The following FBXO32 variants were observed in gnomAD, a reference collection of about 807,000 sequenced individuals.
The protein encoded by FBXO32 is F-box protein 32.
In FBXO32, 15 loss-of-function variants were observed where a neutral mutation model predicts 48.3. The observed-to-expected ratio is 0.31, with a 90% CI of 0.21 to 0.48. FBXO32 has a LOEUF of 0.48. Among genes scored for constraint, FBXO32 ranks in the 20% least tolerant of loss-of-function variants. The pLI is 0.99. For missense variants in FBXO32, 309 were observed against 432.7 expected (o/e 0.71, Z 2.54); for synonymous variants, 154 against 165.9 (o/e 0.93, Z 0.55).
intron 4 of FBXO32, among the ~76,000 whole-genome samples, chr8:123,519,070 G>A (rs374301281): frequency 2.3e-4 from 35 of 152,226 alleles, no homozygotes; most frequent in East Asian, 9.6e-4. Context: ...AGCGATCCTC[G>A]TGTTTCAGCC....
rs189731484 is a variant in FBXO32 at position 123,535,853 on chromosome 8, A to T, written c.117-1039T>A. Among the ~76,000 whole-genome samples, 239 of 147,766 alleles carry T rather than the reference A, an allele frequency of 1.6e-3. 1 individual carries two copies. Among genetic ancestry groups the T allele is most frequent in the Admixed American group, 0.013 (190 of 14,748 alleles). ...TTTTTTTTTTTTTGCTATACCACCG[A>T]TATTTTATACTCCTTTAATGTTCTG... On this transcript the variant is annotated intron_variant, in intron 1 of 8. Transcript: ENST00000517956.
chr8:123,517,665 T>C (rs544752985), intron 4 of FBXO32, among the ~76,000 whole-genome samples: 2 of 152,192 alleles, frequency 1.3e-5, no homozygotes, highest in African/African-American at 2.4e-5. Context: ...AGACACATGA[T>C]CCCTACACTC....
intron 4 of FBXO32, among the ~76,000 whole-genome samples, chr8:123,529,665 G>A (rs747684096): frequency 6.6e-6 from 1 of 151,974 alleles, no homozygotes; most frequent in Non-Finnish European, 1.5e-5. Context: ...TTCAAGTCTT[G>A]ATTTCATCCC....
chr8:123,526,468 C>T (rs1357627274), intron 4 of FBXO32, among the ~76,000 whole-genome samples: 1 of 152,102 alleles, frequency 6.6e-6, no homozygotes, highest in Non-Finnish European at 1.5e-5. Flanking sequence ...CTCAAGTGAG[C>T]TGCCTGCCTC....
chr8:123,531,850 T>G, intron 4 of FBXO32, 48 bp downstream of exon 4: 1 of 1,600,714 alleles, frequency 6.2e-7, no homozygotes, highest in Non-Finnish European at 8.5e-7. Context: ...AAGAGATGAT[T>G]CAACTTGGGA....
chr8:123,509,545 C>T (rs1816696377), intron 6 of FBXO32, among the ~76,000 whole-genome samples: 1 of 151,834 alleles, frequency 6.6e-6, no homozygotes, highest in Non-Finnish European at 1.5e-5. Context: ...ACTAAAAATA[C>T]AAAAATTAGC....
chr8:123,515,950 C>T (rs1816830907), intron 4 of FBXO32, among the ~76,000 whole-genome samples: 1 of 152,138 alleles, frequency 6.6e-6, no homozygotes, highest in Admixed American at 6.5e-5. Context: ...CGAGATCGTG[C>T]CATTGAACTC....
intron 4 of FBXO32, among the ~76,000 whole-genome samples, chr8:123,522,941 C>T (rs1333575701): frequency 1.3e-5 from 2 of 152,246 alleles, no homozygotes; most frequent in East Asian, 3.9e-4. Flanking sequence ...AGGTCTGACA[C>T]GATTCTCAAG....
chr8:123,527,528 A>G (rs1488021665), intron 4 of FBXO32, among the ~76,000 whole-genome samples: 1 of 152,166 alleles, frequency 6.6e-6, no homozygotes, highest in African/African-American at 2.4e-5. Flanking sequence ...ACTGGGGAGA[A>G]TATAAAGATT....
At chr8:123,533,935 A>C (rs1469194650) in intron 2 of FBXO32, among the ~76,000 whole-genome samples, 1 of 151,970 alleles carries the variant, frequency 6.6e-6, no homozygotes, top group Non-Finnish European at 1.5e-5. Context: ...TCTACTAAAA[A>C]CACAAAAATT....
chr8:123,532,785 C>A (rs2130556048), intron 3 of FBXO32, among the ~76,000 whole-genome samples: 1 of 152,332 alleles, frequency 6.6e-6, no homozygotes, highest in East Asian at 1.9e-4. Flanking sequence ...TCACACTGAG[C>A]AGGCACTGAA....
chr8:123,530,497 A>G (rs1203129036), intron 4 of FBXO32, among the ~76,000 whole-genome samples: 1 of 152,222 alleles, frequency 6.6e-6, no homozygotes, highest in East Asian at 1.9e-4. Flanking sequence ...ACAAAAATAC[A>G]CAAGGGAGCT....
intron 4 of FBXO32, among the ~76,000 whole-genome samples, chr8:123,516,348 C>T (rs1489811484): frequency 1.3e-5 from 2 of 152,098 alleles, no homozygotes; most frequent in African/African-American, 4.8e-5. Context: ...CACAGAGAAC[C>T]GAGACCCCTC....
chr8:123,523,599 AAACAAC>A (rs143361308), intron 4 of FBXO32, among the ~76,000 whole-genome samples: 55 of 146,640 alleles, frequency 3.8e-4, no homozygotes, highest in South Asian at 6.4e-4. Context: ...AAAACAAAAC[AAACAAC>A]AACAACAACA....
intron 6 of FBXO32, among the ~76,000 whole-genome samples, chr8:123,510,996 T>A (rs545349816): frequency 6.6e-6 from 1 of 152,352 alleles, no homozygotes; most frequent in Admixed American, 6.5e-5. Context: ...GTGCAGAGAA[T>A]GGCTTGGCTC....
At position 123,507,440 on chromosome 8, in the gene FBXO32, T is replaced by G. The variant is rs10112369; in HGVS notation, c.652-866A>C. ...ATAACACAGAGACTCTGTGCTAGGG[T>G]GTGTGTGTGTGTGTGTGTGTGTGTG... On this transcript the variant is annotated intron_variant, in intron 6 of 8. Coordinates refer to ENST00000517956, the MANE Select transcript of FBXO32 (RefSeq NM_058229.4). Among the ~76,000 whole-genome samples the G allele has an allele frequency of 7.2e-3, 585 of 81,150 alleles. 2 individuals are homozygous for G. Among genetic ancestry groups the G allele is most frequent in the African/African-American group, 0.024 (471 of 19,428 alleles). 53.2% of individuals were successfully genotyped at this position (81,150 alleles called of 152,430 possible).
rs1816504636 is a variant in FBXO32 at position 123,502,087 on chromosome 8, G to A, written c.*1286C>T. 1 of 152,152 alleles carries A rather than the reference G, an allele frequency of 6.6e-6. No individual in the cohort carries two copies. Among genetic ancestry groups the A allele is most frequent in the African/African-American group, 2.4e-5 (1 of 41,434 alleles). The allele number at this position is 152,152 out of a possible 1,614,324, so 9.4% of individuals were successfully genotyped here. A position where few individuals can be genotyped will look rare whatever the true frequency, so the allele number is the denominator to read the frequency against. On this transcript the variant is annotated 3_prime_UTR_variant, in exon 9 of 9. Coordinates refer to ENST00000517956, the MANE Select transcript of FBXO32 (RefSeq NM_058229.4). ...CCGGAAGCAAGTTTAAGATGAACTT[G>A]TGGTACCTCTCCTCCCTATTTGGCT...
chr8:123,506,596 T>A lies in FBXO32; in HGVS notation c.652-22A>T, dbSNP rs1457768885. On this transcript the variant is annotated intron_variant, in intron 6 of 8. Coordinates refer to ENST00000517956, the MANE Select transcript of FBXO32 (RefSeq NM_058229.4). This position sits in a 1 kb window ranked among gnomAD's most constrained non-coding sequence, Gnocchi z 4.0. ...CAGGCTGCAGAGAGAAGGGTGACAA[T>A]AGGTGGGGGGGCCAGAGAGCAGCGA... is the stretch of plus-strand genomic sequence containing the variant. The A allele has an allele frequency of 4.5e-6, 7 of 1,562,220 alleles. No homozygotes were observed. Among genetic ancestry groups the A allele is most frequent in the African/African-American group, 1.4e-5 (1 of 73,780 alleles).
intron 4 of FBXO32, among the ~76,000 whole-genome samples, chr8:123,530,086 G>A (rs1817166354): frequency 6.6e-6 from 1 of 152,142 alleles, no homozygotes; most frequent in Non-Finnish European, 1.5e-5. Context: ...CACACTGAAT[G>A]GCATGAACAT....
Sources: gnomAD v4.1 joint callset for allele counts (sites outside exome capture counted in the v4.1 genomes callset) on GRCh38, gnomAD v4.1.1 for gene constraint, Gnocchi (gnomAD v3.1) non-coding constraint, MANE v1.5 for transcripts, NCBI Gene and HGNC (gene_info 2026-07-23, HGNC 2026-07-21) for gene names.